Variants in CDH13 observed in about 807,000 individuals in gnomAD.
CDH13 encodes cadherin-13.
A neutral mutation model predicts 63.8 loss-of-function variants in CDH13; 24 were observed. That is an observed-to-expected ratio of 0.38 (90% CI 0.27 to 0.53). The LOEUF is 0.53. Ranked by LOEUF, CDH13 falls within the 20% of genes least tolerant of loss-of-function variation. The pLI is 0.85. For synonymous variants in CDH13, 503 were observed against 355.3 expected (o/e 1.42, Z -4.67); for missense variants, 1,049 against 903.1 (o/e 1.16, Z -2.07).
At chr16:83,417,983 A>T (rs1002168340) in intron 6 of CDH13, among the ~76,000 whole-genome samples, 1 of 152,008 alleles carries the variant, frequency 6.6e-6, no homozygotes, top group African/African-American at 2.4e-5. Context: ...ACATCCTTTA[A>T]AGCCCAGGGA....
At position 83,523,802 on chromosome 16, in the gene CDH13, C is replaced by T. The variant is rs964427994; in HGVS notation, c.960+37147C>T. ...GAACATTGGGAAAAGGAGGCAAGAA[C>T]GACAACAGTCCCCATTTCAAACACT... is the stretch of plus-strand genomic sequence containing the variant. On this transcript the variant is annotated intron_variant, in intron 7 of 13. Transcript: ENST00000567109. Among the ~76,000 whole-genome samples, 5 of 152,170 alleles carry T rather than the reference C, an allele frequency of 3.3e-5. No homozygotes were observed. In the South Asian group the frequency reaches 6.2e-4, roughly 19 times the overall value.
intron 1 of CDH13, among the ~76,000 whole-genome samples, chr16:82,763,500 T>A (rs1346205594): frequency 6.6e-6 from 1 of 152,160 alleles, no homozygotes; most frequent in African/African-American, 2.4e-5. Flanking sequence ...ATGAAAAGGT[T>A]CACATGGAGA....
chr16:82,687,025 T>C (rs1160355939), intron 1 of CDH13, among the ~76,000 whole-genome samples: 1 of 152,196 alleles, frequency 6.6e-6, no homozygotes, highest in Non-Finnish European at 1.5e-5. Flanking sequence ...CTTCTCTCCC[T>C]TCGTAGATGT....
chr16:82,727,653 G>C (rs2033173673), intron 1 of CDH13: 1 of 152,210 alleles, frequency 6.6e-6, no homozygotes, highest in Admixed American at 6.5e-5. Context: ...AAAGACTGGA[G>C]AAAGTGTCAG....
chr16:82,892,649 A>G (rs2041119339), intron 2 of CDH13, among the ~76,000 whole-genome samples: 1 of 152,246 alleles, frequency 6.6e-6, no homozygotes, highest in Admixed American at 6.5e-5. Context: ...GAAGTATAAC[A>G]AAACCACTGC....
intron 10 of CDH13, among the ~76,000 whole-genome samples, chr16:83,736,159 C>G (rs1387007636): frequency 6.6e-6 from 1 of 152,100 alleles, no homozygotes; most frequent in African/African-American, 2.4e-5. Flanking sequence ...CTTGATCAGT[C>G]ATTAATAATG....
chr16:82,627,275 G>C, intron 1 of CDH13, 138 bp downstream of exon 1: 1 of 737,174 alleles, frequency 1.4e-6, no homozygotes, highest in Non-Finnish European at 2.4e-6. Flanking sequence ...GCTCGGTAGG[G>C]AGGTCATTCC....
intron 1 of CDH13, chr16:82,773,351 C>G (rs1166072899): frequency 3.3e-5 from 5 of 152,254 alleles, no homozygotes; most frequent in African/African-American, 1.2e-4. Flanking sequence ...TAGCCAGCAG[C>G]AAGGACATAT....
Position 83,265,639 on chromosome 16 carries a change from A to C in CDH13, c.636+48142A>C, listed in dbSNP as rs144574687. On this transcript the variant is annotated intron_variant, in intron 5 of 13. Transcript: ENST00000567109. Reference sequence around the variant, plus strand: ...ATAGTAATCTTTGTTTTGTGAATACAGTATCCCCTCTTAGCTCTTCAAGAA... The same window carrying C: ...ATAGTAATCTTTGTTTTGTGAATACCGTATCCCCTCTTAGCTCTTCAAGAA... Among the ~76,000 whole-genome samples the C allele has an allele frequency of 3.2e-3, 484 of 150,934 alleles. 2 individuals carry two copies. Among genetic ancestry groups the C allele is most frequent in the African/African-American group, 0.011 (451 of 41,104 alleles).
chr16:83,667,126 TGG>T (rs1914055997), intron 8 of CDH13, among the ~76,000 whole-genome samples: 1 of 151,600 alleles, frequency 6.6e-6, no homozygotes, highest in South Asian at 2.1e-4. Flanking sequence ...GATGGATGGA[TGG>T]ATAAATAGAT....
intron 2 of CDH13, among the ~76,000 whole-genome samples, chr16:83,007,430 A>C (rs1913647296): frequency 6.6e-6 from 1 of 152,208 alleles, no homozygotes; most frequent in Admixed American, 6.5e-5. Flanking sequence ...ATAACTCTTC[A>C]GGTTTTATCC....
intron 10 of CDH13, among the ~76,000 whole-genome samples, chr16:83,700,181 G>A (rs556534681): frequency 4.6e-5 from 7 of 152,260 alleles, no homozygotes; most frequent in African/African-American, 1.7e-4. Flanking sequence ...GAATCATAAA[G>A]TATGCCCTCT....
Position 83,795,147 on chromosome 16 carries a change from A to C in CDH13, c.*117A>C. 2.5e-6 allele frequency: 2 copies of C among 787,022 alleles called. No homozygotes were observed. Among genetic ancestry groups the C allele is most frequent in the Non-Finnish European group, 4.1e-6 (2 of 490,778 alleles). 48.8% of individuals were successfully genotyped at this position (787,022 alleles called of 1,614,324 possible). Reference sequence around the variant, plus strand: ...TATCGAACTTCACAACTAGGCCTCAATTGTTCCGGTTTTTTATTTTCTTTA... The same window carrying C: ...TATCGAACTTCACAACTAGGCCTCACTTGTTCCGGTTTTTTATTTTCTTTA... On this transcript the variant is annotated 3_prime_UTR_variant, in exon 14 of 14. Coordinates refer to ENST00000567109, the MANE Select transcript of CDH13 (RefSeq NM_001257.5).
intron 1 of CDH13, among the ~76,000 whole-genome samples, chr16:82,763,464 C>T (rs943445292): frequency 6.6e-6 from 1 of 152,120 alleles, no homozygotes; most frequent in Non-Finnish European, 1.5e-5. Flanking sequence ...GAACACTCAA[C>T]AACTGTTTGC....
intron 2 of CDH13, among the ~76,000 whole-genome samples, chr16:82,862,687 C>T (rs2039991216): frequency 6.6e-6 from 1 of 152,224 alleles, no homozygotes; most frequent in African/African-American, 2.4e-5. Flanking sequence ...ACTTGCATCA[C>T]ATGTTTAGGA....
intron 5 of CDH13, among the ~76,000 whole-genome samples, chr16:83,238,086 G>A (rs1035948451): frequency 1.7e-5 from 2 of 119,926 alleles, no homozygotes; most frequent in African/African-American, 6.5e-5. Flanking sequence ...TGTAGCATTA[G>A]ACTGGGACTG....
intron 1 of CDH13, among the ~76,000 whole-genome samples, chr16:82,842,776 C>T (rs9933346): frequency 0.26 from 39,208 of 150,692 alleles, 5,920 homozygotes; most frequent in Non-Finnish European, 0.35. Context: ...CAGTGGGAGC[C>T]CTGAACTTGT....
chr16:82,645,819 A>G (rs1454526212), intron 1 of CDH13, among the ~76,000 whole-genome samples: 2 of 152,246 alleles, frequency 1.3e-5, no homozygotes, highest in African/African-American at 4.8e-5. Context: ...ATTTATGAAG[A>G]AACCAGTAAG....
intron 5 of CDH13, among the ~76,000 whole-genome samples, chr16:83,331,346 C>T (rs1416146953): frequency 6.6e-6 from 1 of 152,182 alleles, no homozygotes; most frequent in Non-Finnish European, 1.5e-5. Flanking sequence ...AACTGTAGAA[C>T]TGTAAAGACT....
Sources: gnomAD v4.1 joint callset for allele counts (sites outside exome capture counted in the v4.1 genomes callset) on GRCh38, gnomAD v4.1.1 for gene constraint, MANE v1.5 for transcripts, NCBI Gene and HGNC (gene_info 2026-07-23, HGNC 2026-07-21) for gene names.